Variants in CPE observed in about 807,000 individuals in gnomAD.
The protein encoded by CPE is carbocypeptidase E.
A neutral mutation model predicts 53.5 loss-of-function variants in CPE; 17 were observed. The ratio of observed to expected loss-of-function variants is 0.32; its 90% CI spans 0.22 to 0.48. The LOEUF (loss-of-function observed/expected upper bound fraction) is 0.48. Among genes scored for constraint, CPE ranks in the 20% least tolerant of loss-of-function variants. The probability of loss-of-function intolerance (pLI) is 0.99; values close to 1 mark genes in which losing one functional copy is unlikely to be tolerated. For missense variants in CPE, 524 were observed against 614.7 expected, an observed-to-expected ratio of 0.85 and a Z score of 1.56; for synonymous variants, 226 against 228.8, an observed-to-expected ratio of 0.99 and a Z score of 0.11.
At chr4:165,407,778 A>T (rs547961955) in intron 1 of CPE, among the ~76,000 whole-genome samples, 1 of 150,098 alleles carries the variant, frequency 6.7e-6, no homozygotes, top group South Asian at 2.1e-4. Context: ...CTGGTCTTGA[A>T]CTCCTGACCT....
intron 1 of CPE, among the ~76,000 whole-genome samples, chr4:165,443,435 G>A (rs2126686963): frequency 6.6e-6 from 1 of 152,246 alleles, no homozygotes; most frequent in African/African-American, 2.4e-5. Flanking sequence ...CCACAGACTG[G>A]GTAGCTTTAA....
At chr4:165,383,462 G>C (rs1360126335) in intron 1 of CPE, among the ~76,000 whole-genome samples, 2 of 152,158 alleles carry the variant, frequency 1.3e-5, no homozygotes, top group Non-Finnish European at 2.9e-5. Context: ...AGTTAAATAT[G>C]AGTTAAGATT....
At chr4:165,438,194 T>C (rs943317414) in intron 1 of CPE, among the ~76,000 whole-genome samples, 6 of 152,088 alleles carry the variant, frequency 3.9e-5, no homozygotes, top group Non-Finnish European at 7.4e-5. Flanking sequence ...TAGGAGACTA[T>C]TTTAACAGAC....
intron 1 of CPE, among the ~76,000 whole-genome samples, chr4:165,412,578 C>G (rs13149935): frequency 0.29 from 43,647 of 152,038 alleles, 6,413 homozygotes; most frequent in Middle Eastern, 0.4. Flanking sequence ...TAGTCAGGAA[C>G]TGGGGAGTAA....
At chr4:165,407,374 A>T (rs1475066769) in intron 1 of CPE, among the ~76,000 whole-genome samples, 1 of 151,164 alleles carries the variant, frequency 6.6e-6, no homozygotes, top group Non-Finnish European at 1.5e-5. Context: ...CTTATTGACC[A>T]TATGTATATC....
intron 3 of CPE, among the ~76,000 whole-genome samples, chr4:165,473,636 A>G (rs1307443918): frequency 6.6e-6 from 1 of 152,240 alleles, no homozygotes; most frequent in Admixed American, 6.5e-5. Flanking sequence ...AGAGGGAAAG[A>G]TGAATTTAGA....
intron 1 of CPE, among the ~76,000 whole-genome samples, chr4:165,411,793 G>C (rs1731046620): frequency 6.6e-6 from 1 of 152,132 alleles, no homozygotes; most frequent in Admixed American, 6.6e-5. Flanking sequence ...ACTGTGTGTG[G>C]TAAGTAGTTT....
At chr4:165,445,410 T>C (rs982598700) in intron 1 of CPE, among the ~76,000 whole-genome samples, 2 of 152,186 alleles carry the variant, frequency 1.3e-5, no homozygotes, top group Non-Finnish European at 2.9e-5. Flanking sequence ...TAATTTCGCT[T>C]TTAGCTTTTA....
intron 1 of CPE, among the ~76,000 whole-genome samples, chr4:165,414,423 G>A (rs888182442): frequency 1.3e-5 from 2 of 152,142 alleles, no homozygotes; most frequent in Non-Finnish European, 2.9e-5. Flanking sequence ...ACACCTCAAA[G>A]TCAAACGTTT....
chr4:165,427,632 G>A (rs980676147), intron 1 of CPE, among the ~76,000 whole-genome samples: 17 of 152,158 alleles, frequency 1.1e-4, no homozygotes, highest in Admixed American at 3.3e-4. Context: ...ATCCTCTAAA[G>A]GAGATTGTCT....
At chr4:165,385,215 C>T (rs918218210) in intron 1 of CPE, among the ~76,000 whole-genome samples, 1 of 152,056 alleles carries the variant, frequency 6.6e-6, no homozygotes, top group Non-Finnish European at 1.5e-5. Flanking sequence ...AAAAGAAATG[C>T]TAATTTGTAA....
intron 5 of CPE, among the ~76,000 whole-genome samples, chr4:165,485,051 G>GTAT (rs531052823): frequency 2.9e-4 from 44 of 152,230 alleles, no homozygotes; most frequent in African/African-American, 1.1e-3. Context: ...ATAATGGGGA[G>GTAT]TATTTGACAT....
intron 2 of CPE, among the ~76,000 whole-genome samples, chr4:165,466,816 AC>A (rs1289409593): frequency 6.6e-6 from 1 of 152,142 alleles, no homozygotes; most frequent in African/African-American, 2.4e-5. Flanking sequence ...GCACCTGGCC[AC>A]CTTACTGTAA....
chr4:165,407,882 C>T (rs1367927446), intron 1 of CPE, among the ~76,000 whole-genome samples: 3 of 149,208 alleles, frequency 2.0e-5, no homozygotes, highest in Non-Finnish European at 3.0e-5. Flanking sequence ...TTTAAAGAGA[C>T]GGAGTTCCGC....
intron 1 of CPE, among the ~76,000 whole-genome samples, chr4:165,396,374 T>A (rs189506205): frequency 6.6e-6 from 1 of 152,296 alleles, no homozygotes; most frequent in East Asian, 1.9e-4. Flanking sequence ...GAAGTTAAGA[T>A]AGGCTGGTCA....
intron 1 of CPE, among the ~76,000 whole-genome samples, chr4:165,444,154 A>T (rs1159057604): frequency 1.3e-5 from 2 of 152,190 alleles, no homozygotes; most frequent in East Asian, 3.9e-4. Flanking sequence ...TTTAGCCCGT[A>T]ACACCTATAA....
At chr4:165,462,247 G>A (rs1430237947) in intron 1 of CPE, among the ~76,000 whole-genome samples, 1 of 152,152 alleles carries the variant, frequency 6.6e-6, no homozygotes, top group African/African-American at 2.4e-5. Context: ...ATTCACATTC[G>A]AACACAAAAT....
intron 3 of CPE, among the ~76,000 whole-genome samples, chr4:165,475,800 G>A (rs1732288902): frequency 6.6e-6 from 1 of 152,114 alleles, no homozygotes; most frequent in African/African-American, 2.4e-5. Context: ...TGTGAACTCC[G>A]AGTTCCTTCC....
rs780852905 is a variant in CPE, at chr4:165,379,571, G to C, written c.307+43G>C. ...TGACAGCCCTGGGGGCATCCCGGAG[G>C]GGGGCGGCAGAGGGTGGGACTGGTG... On this transcript the variant is annotated intron_variant, in intron 1 of 8. Transcript: ENST00000402744. This position sits in a 1 kb window ranked among gnomAD's most constrained non-coding sequence, Gnocchi z 6.0. 1.7e-5 allele frequency: 24 copies of C among 1,449,346 alleles called. No homozygotes were observed. Among genetic ancestry groups the C allele is most frequent in the African/African-American group, 1.1e-4 (8 of 70,216 alleles). 89.8% of individuals were successfully genotyped at this position (1,449,346 alleles called of 1,614,324 possible).
Sources: gnomAD v4.1 joint callset for allele counts (sites outside exome capture counted in the v4.1 genomes callset) on GRCh38, gnomAD v4.1.1 for gene constraint, Gnocchi (gnomAD v3.1) non-coding constraint, MANE v1.5 for transcripts, NCBI Gene and HGNC (gene_info 2026-07-23, HGNC 2026-07-21) for gene names.